GALNT13: variants seen among roughly 807,000 people sequenced by gnomAD.
GALNT13 encodes polypeptide N-acetylgalactosaminyltransferase 13, also known as UDP-GalNAc:polypeptide N-acetylgalactosaminyltransferase 13.
In GALNT13, 28 loss-of-function variants were observed where a neutral mutation model predicts 64.2. The ratio of observed to expected loss-of-function variants is 0.44; its 90% CI spans 0.32 to 0.60. The LOEUF is 0.60. Ranked by LOEUF, GALNT13 falls within the 20% of genes least tolerant of loss-of-function variation. The pLI is 0.05. For synonymous variants in GALNT13, 214 were observed against 224.6 expected (o/e 0.95, Z 0.42); for missense variants, 577 against 669.8 (o/e 0.86, Z 1.53).
chr2:153,968,409 C>T (rs1170352559), intron 3 of GALNT13, among the ~76,000 whole-genome samples: 1 of 152,184 alleles, frequency 6.6e-6, no homozygotes, highest in Non-Finnish European at 1.5e-5. Flanking sequence ...GTCCCTTCTT[C>T]AAGCACCCAG....
At chr2:153,148,497 A>T in the GALNT13 span, among the ~76,000 whole-genome samples, 9 of 149,266 alleles carry the variant, frequency 6.0e-5, no homozygotes, top group African/African-American at 2.2e-4. Context: ...TTTTTTGCTA[A>T]GACTCTTATT....
the GALNT13 span, among the ~76,000 whole-genome samples, chr2:153,499,002 C>G: frequency 6.6e-6 from 1 of 152,178 alleles, no homozygotes; most frequent in Non-Finnish European, 1.5e-5. Context: ...CGCCCGCCAC[C>G]ACGCCTGGCA....
At chr2:153,801,932 T>A in the GALNT13 span, among the ~76,000 whole-genome samples, 1 of 152,198 alleles carries the variant, frequency 6.6e-6, no homozygotes, top group Non-Finnish European at 1.5e-5. Flanking sequence ...TCTTTCTGCT[T>A]CTAATTTGTA....
chr2:153,608,497 T>G, the GALNT13 span, among the ~76,000 whole-genome samples: 1 of 151,854 alleles, frequency 6.6e-6, no homozygotes, highest in African/African-American at 2.4e-5. Flanking sequence ...AATTCTAAGA[T>G]AGCATGAGTA....
the GALNT13 span, among the ~76,000 whole-genome samples, chr2:153,115,966 G>T: frequency 3.9e-5 from 6 of 152,060 alleles, no homozygotes; most frequent in Admixed American, 3.9e-4. Context: ...ATGAAAAATT[G>T]GCCAGTGGTA....
At chr2:153,919,990 ATATAT>A (rs1316110559) in intron 2 of GALNT13, among the ~76,000 whole-genome samples, 13 of 148,100 alleles carry the variant, frequency 8.8e-5, no homozygotes, top group African/African-American at 1.5e-4. Context: ...GTTATATTAT[ATATAT>A]TATAATATAT....
chr2:154,244,673 A>T (rs151296641), intron 6 of GALNT13, among the ~76,000 whole-genome samples: 1 of 152,336 alleles, frequency 6.6e-6, no homozygotes, highest in African/African-American at 2.4e-5. Flanking sequence ...AAATCACAGA[A>T]GGTTGGTCCC....
the GALNT13 span, among the ~76,000 whole-genome samples, chr2:153,095,295 T>C: frequency 6.6e-6 from 1 of 152,138 alleles, no homozygotes; most frequent in African/African-American, 2.4e-5. Context: ...AAAATGCTCA[T>C]CATCACTGGC....
At chr2:153,581,981 C>A in the GALNT13 span, among the ~76,000 whole-genome samples, 1 of 152,046 alleles carries the variant, frequency 6.6e-6, no homozygotes, top group Non-Finnish European at 1.5e-5. Context: ...CTGGATGTAA[C>A]CTTATACCTT....
intron 4 of GALNT13, among the ~76,000 whole-genome samples, chr2:154,176,904 A>G (rs1685683670): frequency 1.3e-5 from 2 of 152,160 alleles, no homozygotes; most frequent in African/African-American, 2.4e-5. Context: ...GGTTATCTAG[A>G]CTATTGTTAC....
At chr2:153,392,485 A>G in the GALNT13 span, among the ~76,000 whole-genome samples, 1 of 152,024 alleles carries the variant, frequency 6.6e-6, no homozygotes, top group Non-Finnish European at 1.5e-5. Flanking sequence ...TTTCTTAGGG[A>G]AAGATGTTAG....
chr2:154,152,441 G>T (rs1466472557), intron 4 of GALNT13, among the ~76,000 whole-genome samples: 1 of 152,102 alleles, frequency 6.6e-6, no homozygotes, highest in Non-Finnish European at 1.5e-5. Flanking sequence ...GTATCTTTGT[G>T]GCGTTCTCTG....
chr2:153,627,256 C>T, the GALNT13 span, among the ~76,000 whole-genome samples: 3 of 152,124 alleles, frequency 2.0e-5, no homozygotes, highest in African/African-American at 4.8e-5. Flanking sequence ...CTAGAAATAT[C>T]ATAATTATGT....
chr2:153,236,770 C>T, the GALNT13 span, among the ~76,000 whole-genome samples: 1 of 152,058 alleles, frequency 6.6e-6, no homozygotes, highest in South Asian at 2.1e-4. Context: ...TGTCTGCTAA[C>T]ACAACGTTCA....
At chr2:153,362,683 G>A in the GALNT13 span, among the ~76,000 whole-genome samples, 1 of 151,818 alleles carries the variant, frequency 6.6e-6, no homozygotes, top group African/African-American at 2.4e-5. Flanking sequence ...AACAGGAAGA[G>A]CTAACTATAC....
chr2:153,182,163 C>T, the GALNT13 span, among the ~76,000 whole-genome samples: 2 of 152,030 alleles, frequency 1.3e-5, no homozygotes, highest in Non-Finnish European at 2.9e-5. Flanking sequence ...CCTGCCTCAG[C>T]CTCCCAAGTA....
At chr2:153,639,667 A>G in the GALNT13 span, among the ~76,000 whole-genome samples, 1 of 152,106 alleles carries the variant, frequency 6.6e-6, no homozygotes, top group African/African-American at 2.4e-5. Context: ...CATCGGAAAA[A>G]CTCACGATGG....
intron 8 of GALNT13, among the ~76,000 whole-genome samples, chr2:154,299,001 C>G (rs1378052257): frequency 7.3e-6 from 1 of 137,918 alleles, no homozygotes; most frequent in African/African-American, 2.6e-5. Context: ...TCTACCGTAA[C>G]AAAAATATAA....
At chr2:153,477,165 C>G in the GALNT13 span, among the ~76,000 whole-genome samples, 1 of 152,102 alleles carries the variant, frequency 6.6e-6, no homozygotes, top group African/African-American at 2.4e-5. Context: ...TGGGCTCCTT[C>G]TCAGTCATCC....
Sources: allele counts gnomAD v4.1 joint callset (sites outside exome capture counted in the v4.1 genomes callset), GRCh38; gene constraint gnomAD v4.1.1; transcripts MANE v1.5; gene names NCBI Gene and HGNC (gene_info 2026-07-23, HGNC 2026-07-21).